Variants in ZC3H14 observed in about 807,000 individuals in gnomAD.
ZC3H14 encodes the protein zinc finger CCCH domain-containing protein 14.
In ZC3H14, 31 loss-of-function variants were observed where a neutral mutation model predicts 92.4. The observed-to-expected ratio is 0.34, with a 90% CI of 0.25 to 0.45. The LOEUF (loss-of-function observed/expected upper bound fraction) is 0.45, where lower values mean the gene tolerates loss of function less well. Among genes scored for constraint, ZC3H14 ranks in the 20% least tolerant of loss-of-function variants. ZC3H14 has a pLI of 1.00. For synonymous variants in ZC3H14, 321 were observed against 300.9 expected (o/e 1.07, Z -0.69); for missense variants, 781 against 897.3 (o/e 0.87, Z 1.66).
intron 7 of ZC3H14, 55 bp downstream of exon 7, chr14:88,574,908 G>T (rs1047760225): frequency 4.1e-5 from 66 of 1,610,948 alleles, no homozygotes; most frequent in Non-Finnish European, 1.2e-5. Context: ...GAGTCTTCCT[G>T]ATTTATTGAA....
intron 3 of ZC3H14, among the ~76,000 whole-genome samples, chr14:88,568,601 C>T (rs2079997534): frequency 6.6e-6 from 1 of 152,152 alleles, no homozygotes; most frequent in South Asian, 2.1e-4. Context: ...TCACCTCCCT[C>T]CCTTGACAGG....
Position 88,619,599 on chromosome 14 carries a change from CTTAATA to C in ZC3H14, c.*7853_*7858del, listed in dbSNP as rs1221697206. ...TTCTTCCATCTGGAAAAAACGTTGT[CTTAATA>C]TTAAGCAAAGAACACAGCCCAGCTT... On this transcript the variant is annotated 3_prime_UTR_variant, in exon 17 of 17. Coordinates refer to ENST00000251038, the MANE Select transcript of ZC3H14 (RefSeq NM_024824.5). 2.6e-5 allele frequency: 4 copies of C among 152,330 alleles called. No homozygotes were observed. The highest frequency in any genetic ancestry group is 2.1e-4 in the South Asian group (1 of 4,822). 9.4% of individuals were successfully genotyped at this position (152,330 alleles called of 1,614,324 possible).
Position 88,563,181 on chromosome 14 carries a change from G to A in ZC3H14, c.36+12G>A. On this transcript the variant is annotated intron_variant, in intron 1 of 16. Coordinates refer to ENST00000251038, the MANE Select transcript of ZC3H14 (RefSeq NM_024824.5). ...GCCGCAAGATCCGGGTGAGGCCCGT[G>A]CCGGTCGGGGGTGGGAAGCCAGGTC... 1 of 1,603,338 alleles carries A rather than the reference G, an allele frequency of 6.2e-7. No individual in the cohort carries two copies.
rs758261899 is a variant in ZC3H14 at position 88,563,087 on chromosome 14, G to A, written c.-47G>A. On this transcript the variant is annotated 5_prime_UTR_variant, in exon 1 of 17. Transcript: ENST00000251038. ...GGTAGGAGTCCGCGGCAGCCTCCGG[G>A]TAAGCCAAGCGCCGCGCAGTGCTGA... 1.9e-5 allele frequency: 29 copies of A among 1,558,774 alleles called. No individual in the cohort carries two copies. Among genetic ancestry groups the A allele is most frequent in the Non-Finnish European group, 3.5e-6 (4 of 1,158,988 alleles).
chr14:88,607,025 C>T (rs2085517164), intron 12 of ZC3H14, among the ~76,000 whole-genome samples: 1 of 152,066 alleles, frequency 6.6e-6, no homozygotes, highest in Admixed American at 6.5e-5. Context: ...AGTCACTGTC[C>T]TCTTTCCTTT....
rs1454976744 is a variant in ZC3H14, at chr14:88,621,949, A to G, written c.*10198A>G. On this transcript the variant is annotated 3_prime_UTR_variant, in exon 17 of 17. Transcript: ENST00000251038. ...TGATTCTTAACTATAGTCATCCTACAGTACTACAGAATACTAAAACATACT... is the reference window on the plus strand; with the variant it reads ...TGATTCTTAACTATAGTCATCCTACGGTACTACAGAATACTAAAACATACT... 2.2e-6 allele frequency: 1 copy of G among 452,320 alleles called. No individual in the cohort carries two copies. Among genetic ancestry groups the G allele is most frequent in the South Asian group, 1.6e-5 (1 of 63,600 alleles). 28.0% of individuals were successfully genotyped at this position (452,320 alleles called of 1,614,324 possible). A position where few individuals can be genotyped will look rare whatever the true frequency, so the allele number is the denominator to read the frequency against.
chr14:88,588,490 AG>A (rs2082720373), intron 9 of ZC3H14, among the ~76,000 whole-genome samples: 1 of 152,164 alleles, frequency 6.6e-6, no homozygotes, highest in African/African-American at 2.4e-5. Context: ...TTGAGGCTTC[AG>A]TGTTGATGCT....
rs1333174322 is a variant in ZC3H14 at position 88,626,077 on chromosome 14, A to G, written c.*14326A>G. Reference sequence around the variant, plus strand: ...CACTACCTCCTTCTTCCCTCGAAGTAGAGACACTGGCCCAGAGCACTTCCA... The same window carrying G: ...CACTACCTCCTTCTTCCCTCGAAGTGGAGACACTGGCCCAGAGCACTTCCA... On this transcript the variant is annotated 3_prime_UTR_variant, in exon 17 of 17. Transcript: ENST00000251038. 1 of 152,192 alleles carries G rather than the reference A, an allele frequency of 6.6e-6. No homozygotes were observed. Among genetic ancestry groups the G allele is most frequent in the Non-Finnish European group, 1.5e-5 (1 of 68,052 alleles). The allele number at this position is 152,192 out of a possible 1,614,324, so 9.4% of individuals were successfully genotyped here.
Position 88,602,862 on chromosome 14 carries a change from A to G in ZC3H14, c.1549A>G (p.Lys517Glu). The G allele has an allele frequency of 6.2e-7, 1 of 1,614,124 alleles. No individual in the cohort carries two copies. The highest frequency in any genetic ancestry group is 1.1e-5 in the South Asian group (1 of 91,076). ...LVQPDKPASP[K>E]FIVTLDGVPS... ...ACAACCAGATAAACCTGCAAGTCCCAAGTTTATAGTGACGCTGGATGGTGT... is the reference window on the plus strand; with the variant it reads ...ACAACCAGATAAACCTGCAAGTCCCGAGTTTATAGTGACGCTGGATGGTGT... The change falls in exon 12 of 17, where the codon AAG becomes GAG. Residue 517 changes from lysine (K) to glutamate (E), a missense_variant. By Grantham distance (56) the Lys-to-Glu change is moderately conservative (BLOSUM62 1). Around this residue, in one of 3 missense-constraint regions of ZC3H14, gnomAD observed 221 missense variants for 304.7 expected, o/e 0.73. Transcript: ENST00000251038.
intron 6 of ZC3H14, chr14:88,574,465 G>A (rs898726087): frequency 2.5e-5 from 12 of 474,886 alleles, no homozygotes; most frequent in African/African-American, 1.4e-4. Flanking sequence ...GGCTGGTCTC[G>A]AAATCCTGAC....
At chr14:88,595,580 G>T (rs1221927464) in intron 9 of ZC3H14, among the ~76,000 whole-genome samples, 1 of 152,148 alleles carries the variant, frequency 6.6e-6, no homozygotes, top group Non-Finnish European at 1.5e-5. Flanking sequence ...TCCTCAGAAT[G>T]TGTGTTTTTT....
At position 88,563,823 on chromosome 14, in the gene ZC3H14, T is replaced by C. The variant is rs947701507; in HGVS notation, c.79+130T>C. The stretch of plus-strand genomic sequence containing the variant: ...TCCCTTCTACCTTCTTCAAATCTTA[T>C]ACTCCCTGGTTACTTCTTTATCATC... On this transcript the variant is annotated intron_variant, in intron 2 of 16. Coordinates refer to ENST00000251038, the MANE Select transcript of ZC3H14 (RefSeq NM_024824.5). The C allele has an allele frequency of 1.7e-5, 15 of 876,278 alleles. No homozygotes were observed. In the East Asian group the frequency reaches 3.5e-4, roughly 21 times the overall value. The allele number at this position is 876,278 out of a possible 1,614,324, so 54.3% of individuals were successfully genotyped here. A position where few individuals can be genotyped will look rare whatever the true frequency, so the allele number is the denominator to read the frequency against.
chr14:88,593,602 G>A (rs765434283), intron 9 of ZC3H14, among the ~76,000 whole-genome samples: 9 of 152,086 alleles, frequency 5.9e-5, no homozygotes, highest in South Asian at 2.1e-4. Context: ...TTTTGGCAGC[G>A]GTGTTAAGAC....
At chr14:88,580,801 G>GA (rs1217385292) in intron 9 of ZC3H14, among the ~76,000 whole-genome samples, 1 of 151,674 alleles carries the variant, frequency 6.6e-6, no homozygotes, top group Non-Finnish European at 1.5e-5. Context: ...ATTTTAAAAA[G>GA]AAAAAAAATG....
chr14:88,603,950 A>G (rs2084974761), intron 12 of ZC3H14, among the ~76,000 whole-genome samples: 1 of 152,208 alleles, frequency 6.6e-6, no homozygotes, highest in South Asian at 2.1e-4. Context: ...TGCGTTTCCT[A>G]CTGTGAATCA....
chr14:88,581,424 T>TG (rs1195327756), intron 9 of ZC3H14, among the ~76,000 whole-genome samples: 1 of 151,818 alleles, frequency 6.6e-6, no homozygotes, highest in Non-Finnish European at 1.5e-5. Context: ...AGCTGGGTGT[T>TG]GTGGTGTGCG....
At chr14:88,572,476 C>T (rs2080561406) in intron 5 of ZC3H14, 102 bp from the exon 6 acceptor site, 1 of 1,422,324 alleles carries the variant, frequency 7.0e-7, no homozygotes, top group Non-Finnish European at 9.8e-7. Flanking sequence ...AAGGGAGTAT[C>T]CTCAGTTTTT....
At chr14:88,568,421 C>G (rs2079971421) in intron 3 of ZC3H14, among the ~76,000 whole-genome samples, 1 of 152,242 alleles carries the variant, frequency 6.6e-6, no homozygotes, top group Admixed American at 6.5e-5. Context: ...CAAGCACCTT[C>G]TTCACAAGTC....
chr14:88,563,862 GT>G (rs554550535), intron 2 of ZC3H14, among the ~76,000 whole-genome samples, 169 bp downstream of exon 2: 4 of 151,774 alleles, frequency 2.6e-5, no homozygotes, highest in Admixed American at 6.6e-5. Flanking sequence ...TTGCAACCTT[GT>G]TTTTTTTCTC....
Sources: gnomAD v4.1 joint callset for allele counts (sites outside exome capture counted in the v4.1 genomes callset) on GRCh38, gnomAD v4.1.1 for gene constraint, gnomAD v4.1.1 regional missense constraint, MANE v1.5 for transcripts, NCBI Gene and HGNC (gene_info 2026-07-23, HGNC 2026-07-21) for gene names.